Variants in TRAFD1 observed in about 807,000 individuals in gnomAD.
TRAFD1 encodes TRAF-type zinc finger domain-containing protein 1.
Under a neutral mutation model 65.3 loss-of-function variants are expected in TRAFD1, and 38 were observed. That is an observed-to-expected ratio of 0.58 (90% CI 0.45 to 0.76). The LOEUF (loss-of-function observed/expected upper bound fraction) is 0.76. Ranked by LOEUF, TRAFD1 falls within the 30% of genes least tolerant of loss-of-function variation. The pLI is 0.00. For missense variants in TRAFD1, 631 were observed against 712.6 expected (o/e 0.89, Z 1.30); for synonymous variants, 223 against 257.2 (o/e 0.87, Z 1.27).
At chr12:112,148,558 G>A (rs882919) in intron 8 of TRAFD1, among the ~76,000 whole-genome samples, 1 of 152,122 alleles carries the variant, frequency 6.6e-6, no homozygotes, top group Non-Finnish European at 1.5e-5. Flanking sequence ...CTCTATTTGA[G>A]CAGGTGTGGA....
At chr12:112,144,585 A>G (rs566193512) in intron 6 of TRAFD1, among the ~76,000 whole-genome samples, 1 of 152,294 alleles carries the variant, frequency 6.6e-6, no homozygotes, top group Non-Finnish European at 1.5e-5. Flanking sequence ...TGGACTTTTA[A>G]AAAGCATAAA....
chr12:112,141,298 C>T (rs1222955251), intron 5 of TRAFD1, 74 bp downstream of exon 5: 2 of 1,526,092 alleles, frequency 1.3e-6, no homozygotes, highest in South Asian at 1.2e-5. Flanking sequence ...GGCTTTGGGG[C>T]CAGATAGATC....
At chr12:112,136,677 C>T (rs543181343) in intron 4 of TRAFD1, among the ~76,000 whole-genome samples, 43 of 152,282 alleles carry the variant, frequency 2.8e-4, no homozygotes, top group Non-Finnish European at 5.4e-4. Context: ...TAACTCACTG[C>T]AGCCTCGAAT....
In TRAFD1 at chr12:112,152,343, T is replaced by TAGG; in HGVS notation, c.1620-82_1620-80dup. 1 of 1,566,610 alleles carries TAGG rather than the reference T, an allele frequency of 6.4e-7. No homozygotes were observed. The highest frequency in any genetic ancestry group is 8.7e-7 in the Non-Finnish European group (1 of 1,149,768). ...GTTTTTTGGGGTTTGTCTGCTAGCA[T>TAGG]AGGACTGCTTCCTGTTCCCTCTGAG... On this transcript the variant is annotated intron_variant, in intron 10 of 11. Coordinates refer to ENST00000412615, the MANE Select transcript of TRAFD1 (RefSeq NM_006700.3). This position sits in a 1 kb window ranked among gnomAD's most constrained non-coding sequence, Gnocchi z 5.0.
Position 112,152,617 on chromosome 12 carries a change from C to G in TRAFD1, c.1692+118C>G. ...GGCTGGTTGTGGTTCAAAGATTGTT[C>G]CTTTGGCTTTTGAGAAGGAGGTTTC... On this transcript the variant is annotated intron_variant, in intron 11 of 11. Coordinates refer to ENST00000412615, the MANE Select transcript of TRAFD1 (RefSeq NM_006700.3). This position sits in a 1 kb window ranked among gnomAD's most constrained non-coding sequence, Gnocchi z 5.0. 2 of 1,594,740 alleles carry G rather than the reference C, an allele frequency of 1.3e-6. No homozygotes were observed. Among genetic ancestry groups the G allele is most frequent in the Non-Finnish European group, 1.7e-6 (2 of 1,166,198 alleles).
rs752933486 is a variant in TRAFD1 at position 112,152,754 on chromosome 12, A to G, written c.1712A>G (p.Gln571Arg). The change falls in exon 12 of 12, where the codon CAG (glutamine) becomes CGG (arginine). Residue 571 changes from glutamine (Q) to arginine (R), a missense_variant. By Grantham distance (43) the Gln-to-Arg change is conservative. Coordinates refer to ENST00000412615, the MANE Select transcript of TRAFD1 (RefSeq NM_006700.3). The surrounding 1 kb of genome is among the most constrained non-coding windows in gnomAD (Gnocchi z 5.0). ...RTAKAKPSKQ[Q>R]GAGDAEEEEE... ...CACCAGGCAAAGCCTTCCAAGCAAC[A>G]GGGAGCTGGGGATGCAGAAGAGGAA... The G allele has an allele frequency of 1.2e-6, 2 of 1,614,226 alleles. No homozygotes were observed. Among genetic ancestry groups the G allele is most frequent in the South Asian group, 2.2e-5 (2 of 91,076 alleles).
chr12:112,142,085 TCAG>T lies in TRAFD1; in HGVS notation c.644-3_644-1del, dbSNP rs1593868839. The T allele has an allele frequency of 3.7e-6, 6 of 1,611,286 alleles. No homozygotes were observed. The Admixed American group carries it at 6.7e-5, about 18-fold the overall frequency. On this transcript the variant is annotated splice_acceptor_variant and splice_polypyrimidine_tract_variant and intron_variant, in intron 5 of 11. Coordinates refer to ENST00000412615, the MANE Select transcript of TRAFD1 (RefSeq NM_006700.3). LOFTEE classifies it high-confidence loss of function. ...CTGAATGTTGGTTGGTTTTTTTTTT[TCAG>T]TTGAAGAACAAGAGAGGCAGGAAAG...
intron 5 of TRAFD1, 142 bp downstream of exon 5, chr12:112,141,366 T>C: frequency 1.0e-6 from 1 of 967,192 alleles, no homozygotes; most frequent in Non-Finnish European, 1.5e-6. Flanking sequence ...CTCTCTTTCC[T>C]ATAAAATGGA....
intron 4 of TRAFD1, among the ~76,000 whole-genome samples, chr12:112,136,042 T>C (rs2079598887): frequency 6.7e-6 from 1 of 150,362 alleles, no homozygotes; most frequent in African/African-American, 2.4e-5. Context: ...GGCACGAGAA[T>C]CGCTTGAATC....
chr12:112,139,702 C>T (rs759466092), intron 4 of TRAFD1, among the ~76,000 whole-genome samples: 9 of 152,212 alleles, frequency 5.9e-5, no homozygotes, highest in Non-Finnish European at 1.0e-4. Context: ...GGATTACAGG[C>T]GTGGGCCATT....
In TRAFD1 at chr12:112,135,844, T is replaced by A. The variant is rs558464174; in HGVS notation, c.237+778T>A. Among the ~76,000 whole-genome samples, 239 of 149,042 alleles carry A rather than the reference T, an allele frequency of 1.6e-3. 1 individual carries two copies. The highest frequency in any genetic ancestry group is 5.3e-3 in the African/African-American group (212 of 40,140). On this transcript the variant is annotated intron_variant, in intron 4 of 11. Coordinates refer to ENST00000412615, the MANE Select transcript of TRAFD1 (RefSeq NM_006700.3). Reference sequence around the variant, plus strand: ...CCAAAGGTTTTTTTTTTTTTTTTTTTAAATACAGACAGGGTCGGCTGGGCA... The same window carrying A: ...CCAAAGGTTTTTTTTTTTTTTTTTTAAAATACAGACAGGGTCGGCTGGGCA...
Position 112,152,579 on chromosome 12 carries a change from G to A in TRAFD1, c.1692+80G>A, listed in dbSNP as rs1156950419. ...TTGTGTGGCTCCTGAAGTTGTAGAA[G>A]TTGTTGGGACCAGGCTGGTTGTGGT... On this transcript the variant is annotated intron_variant, in intron 11 of 11. Coordinates refer to ENST00000412615, the MANE Select transcript of TRAFD1 (RefSeq NM_006700.3). The surrounding 1 kb of genome is among the most constrained non-coding windows in gnomAD (Gnocchi z 5.0). 2 of 1,600,274 alleles carry A rather than the reference G, an allele frequency of 1.2e-6. No homozygotes were observed. Among genetic ancestry groups the A allele is most frequent in the Admixed American group, 3.4e-5 (2 of 59,014 alleles).
At chr12:112,133,895 G>C (rs1014544976) in intron 2 of TRAFD1, among the ~76,000 whole-genome samples, 1 of 151,272 alleles carries the variant, frequency 6.6e-6, no homozygotes, top group Non-Finnish European at 1.5e-5. Context: ...TGGTAGAAGC[G>C]GGGTTTCACC....
At chr12:112,129,603 G>T (rs1324865372) in intron 1 of TRAFD1, among the ~76,000 whole-genome samples, 1 of 151,752 alleles carries the variant, frequency 6.6e-6, no homozygotes, top group African/African-American at 2.4e-5. Flanking sequence ...ATGCTTTTAG[G>T]GTAATTGGAT....
chr12:112,141,401 A>T, intron 5 of TRAFD1, 177 bp downstream of exon 5: 1 of 728,548 alleles, frequency 1.4e-6, no homozygotes, highest in Non-Finnish European at 2.2e-6. Context: ...GATTATAGTT[A>T]GGGTTCATAA....
Position 112,130,704 on chromosome 12 carries a change from C to A in TRAFD1, c.47+135C>A. The A allele has an allele frequency of 3.3e-6, 2 of 598,956 alleles. No homozygotes were observed. Among genetic ancestry groups the A allele is most frequent in the Non-Finnish European group, 5.5e-6 (2 of 362,654 alleles). 37.1% of individuals were successfully genotyped at this position (598,956 alleles called of 1,614,324 possible). A position where few individuals can be genotyped will look rare whatever the true frequency, so the allele number is the denominator to read the frequency against. The stretch of plus-strand genomic sequence containing the variant: ...AGCTTTCTATTTTGGTGTTTATAAC[C>A]CACATGAATTACAAGAAAGAGCATC... On this transcript the variant is annotated intron_variant, in intron 2 of 11. Transcript: ENST00000412615. The surrounding 1 kb of genome is among the most constrained non-coding windows in gnomAD (Gnocchi z 4.4).
intron 5 of TRAFD1, 60 bp downstream of exon 5, chr12:112,141,284 A>G (rs2030082889): frequency 6.3e-7 from 1 of 1,574,982 alleles, no homozygotes; most frequent in East Asian, 2.2e-5. Context: ...GCAAATGGGA[A>G]CAGGGCTTTG....
chr12:112,134,979 A>G (rs758701012), intron 3 of TRAFD1, 34 bp from the exon 4 acceptor site: 113 of 1,614,068 alleles, frequency 7.0e-5, no homozygotes, highest in Non-Finnish European at 9.3e-5. Context: ...TATTGTCCCA[A>G]AGCCAATTTA....
chr12:112,152,008 G>A lies in TRAFD1; in HGVS notation c.1487G>A (p.Gly496Glu). 1.2e-6 allele frequency: 2 copies of A among 1,614,228 alleles called. No individual in the cohort carries two copies. Among genetic ancestry groups the A allele is most frequent in the Non-Finnish European group, 1.7e-6 (2 of 1,180,044 alleles). The part of the protein sequence containing the change: ...LSNSDSQDIQ[G>E]RNRDSQNGAI... ...AACTCAGACAGCCAGGACATCCAGG[G>A]GCGGAATCGAGACAGCCAGAATGGG... Residue 496 changes from glycine (G) to glutamate (E), a missense_variant, in exon 10 of 12, where the codon GGG becomes GAG. Gly to Glu is a moderately conservative substitution (Grantham distance 98, BLOSUM62 -2). Transcript: ENST00000412615. The surrounding 1 kb of genome is among the most constrained non-coding windows in gnomAD (Gnocchi z 5.0).
Sources: gnomAD v4.1 joint callset for allele counts (sites outside exome capture counted in the v4.1 genomes callset) on GRCh38, gnomAD v4.1.1 for gene constraint, Gnocchi (gnomAD v3.1) non-coding constraint, MANE v1.5 for transcripts, NCBI Gene and HGNC (gene_info 2026-07-23, HGNC 2026-07-21) for gene names.